Variants in DMXL2 observed in about 807,000 individuals in gnomAD.
DMXL2 encodes the protein dmX-like protein 2.
Under a neutral mutation model 331.1 loss-of-function variants are expected in DMXL2, and 103 were observed. That is an observed-to-expected ratio of 0.31 (90% confidence interval 0.27 to 0.37). The LOEUF is 0.37. Among genes scored for constraint, DMXL2 ranks in the 10% least tolerant of loss-of-function variants. DMXL2 has a pLI of 1.00. For synonymous variants in DMXL2, 1,281 were observed against 1,252.1 expected (o/e 1.02, Z -0.49); for missense variants, 3,171 against 3,642.9 (o/e 0.87, Z 3.33).
chr15:51,462,446 T>C (rs918536221), intron 33 of DMXL2, among the ~76,000 whole-genome samples: 1 of 152,078 alleles, frequency 6.6e-6, no homozygotes, highest in African/African-American at 2.4e-5. Context: ...AGCAATTCTC[T>C]TACCTCAACC....
intron 2 of DMXL2, among the ~76,000 whole-genome samples, chr15:51,569,657 G>A (rs896712964): frequency 6.6e-5 from 10 of 152,194 alleles, no homozygotes; most frequent in East Asian, 5.8e-4. Context: ...TTGTTGTTCC[G>A]CAGCCTCCGC....
At chr15:51,497,010 A>G (rs949068632) in intron 18 of DMXL2, among the ~76,000 whole-genome samples, 3 of 152,220 alleles carry the variant, frequency 2.0e-5, no homozygotes, top group Non-Finnish European at 4.4e-5. Flanking sequence ...GTTTTGTATT[A>G]GAAAGTATAA....
intron 6 of DMXL2, among the ~76,000 whole-genome samples, chr15:51,551,381 T>C (rs933230891): frequency 1.3e-5 from 2 of 151,986 alleles, no homozygotes; most frequent in East Asian, 1.9e-4. Context: ...ATCTAGAAAA[T>C]AAAATTTTTG....
chr15:51,549,712 G>A (rs368459096), intron 6 of DMXL2, among the ~76,000 whole-genome samples: 1 of 152,134 alleles, frequency 6.6e-6, no homozygotes, highest in East Asian at 1.9e-4. Flanking sequence ...GATCATTAGT[G>A]ACGTTGAGCA....
At chr15:51,523,209 A>G (rs923289244) in intron 13 of DMXL2, among the ~76,000 whole-genome samples, 18 of 152,266 alleles carry the variant, frequency 1.2e-4, no homozygotes, top group Admixed American at 3.3e-4. Flanking sequence ...TATTAAGAAA[A>G]TCAAAACGAT....
chr15:51,510,248 G>T (rs565603286), intron 15 of DMXL2, among the ~76,000 whole-genome samples: 2 of 152,184 alleles, frequency 1.3e-5, no homozygotes, highest in African/African-American at 4.8e-5. Context: ...ATTCAAATAG[G>T]AAGAGAGGAA....
At chr15:51,544,931 T>A (rs1030568648) in intron 8 of DMXL2, among the ~76,000 whole-genome samples, 3 of 152,054 alleles carry the variant, frequency 2.0e-5, no homozygotes, top group African/African-American at 7.2e-5. Context: ...ATAATAAATT[T>A]CTGACAATTC....
chr15:51,488,062 T>A lies in DMXL2; in HGVS notation c.5109A>T (p.Arg1703Ser). 2 of 1,613,400 alleles carry A rather than the reference T, an allele frequency of 1.2e-6. No individual in the cohort carries two copies. The highest frequency in any genetic ancestry group is 1.7e-6 in the Non-Finnish European group (2 of 1,179,780). ...CATTTTTCAAAGCAGCTTTTCGCCATCTATCTTCATTAAAGTTGTGGCTGA... is the reference window on the plus strand; with the variant it reads ...CATTTTTCAAAGCAGCTTTTCGCCAACTATCTTCATTAAAGTTGTGGCTGA... Reference protein sequence around the residue: ...TFFSHNFNEDRWRKAALKNAF... With the variant: ...TFFSHNFNEDSWRKAALKNAF... The change falls in exon 22 of 44, where the codon AGA becomes AGT. Residue 1703 changes from arginine (R) to serine (S), a missense_variant. Physicochemically the swap from Arg to Ser is moderately radical, Grantham distance 110. This residue lies in a region of DMXL2 where 252 missense variants were observed against 387.4 expected (regional missense o/e 0.65). Coordinates refer to ENST00000560891, the MANE Select transcript of DMXL2 (RefSeq NM_001378457.1).
At chr15:51,575,741 A>C (rs761760899) in intron 2 of DMXL2, among the ~76,000 whole-genome samples, 48 of 152,284 alleles carry the variant, frequency 3.2e-4, no homozygotes, top group Non-Finnish European at 6.6e-4. Context: ...TAGGTAGAGA[A>C]GAAAAAAGTT....
At chr15:51,461,243 C>G (rs2040084424) in intron 33 of DMXL2, among the ~76,000 whole-genome samples, 1 of 152,044 alleles carries the variant, frequency 6.6e-6, no homozygotes, top group Non-Finnish European at 1.5e-5. Context: ...AAATAGAACA[C>G]ACAGAGACTG....
chr15:51,607,128 A>C (rs1030390188), intron 1 of DMXL2, among the ~76,000 whole-genome samples: 3 of 151,270 alleles, frequency 2.0e-5, no homozygotes, highest in African/African-American at 7.3e-5. Context: ...ACTGCACTCC[A>C]GAGCCTGGGT....
chr15:51,560,428 A>T lies in DMXL2; in HGVS notation c.567+2953T>A, dbSNP rs965347637. On this transcript the variant is annotated intron_variant, in intron 6 of 43. Transcript: ENST00000560891. ...CCTTTCTGTTCATGTTTGAAGAAAA[A>T]TTTTTTTAATTTAGGGCATCATAAA... Among the ~76,000 whole-genome samples the T allele has an allele frequency of 6.7e-5, 10 of 149,438 alleles. No individual in the cohort carries two copies. In the East Asian group the frequency reaches 7.9e-4, roughly 12 times the overall value.
In DMXL2 at chr15:51,455,217, C is replaced by A; in HGVS notation, c.8538G>T (p.Ala2846=). The change falls in exon 40 of 44, where the codon GCG becomes GCT. Residue 2846 remains alanine, a synonymous_variant. Coordinates refer to ENST00000560891, the MANE Select transcript of DMXL2 (RefSeq NM_001378457.1). ...FNSQGNKCGV[A]DGEGFLSIWQ... is the part of the protein sequence containing the mutation. ...AGATACTCAGAAAACCCTCTCCATC[C>A]GCAACACCACACTGTAAGAACAGTA... 6.2e-7 allele frequency: 1 copy of A among 1,613,840 alleles called. No individual in the cohort carries two copies. The highest frequency in any genetic ancestry group is 2.2e-5 in the East Asian group (1 of 44,880).
intron 13 of DMXL2, among the ~76,000 whole-genome samples, chr15:51,524,618 G>A (rs1422652978): frequency 6.6e-6 from 1 of 152,182 alleles, no homozygotes; most frequent in East Asian, 1.9e-4. Context: ...GCAAGCAACT[G>A]TGAGCACTGA....
intron 16 of DMXL2, among the ~76,000 whole-genome samples, chr15:51,505,144 C>T (rs563129006): frequency 6.6e-6 from 1 of 152,200 alleles, no homozygotes; most frequent in Admixed American, 6.5e-5. Flanking sequence ...AATCATTTAT[C>T]CTCTAACAGG....
intron 1 of DMXL2, among the ~76,000 whole-genome samples, chr15:51,580,653 G>A (rs897180848): frequency 6.6e-6 from 1 of 152,172 alleles, no homozygotes; most frequent in Non-Finnish European, 1.5e-5. Flanking sequence ...AAGAGGAAGA[G>A]TCTTAGAAAA....
In DMXL2 at chr15:51,622,472, T is replaced by C. The variant is rs1595799003; in HGVS notation, c.74A>G (p.Asp25Gly). The stretch of plus-strand genomic sequence containing the variant: ...GCCGCCGCTCACCGTGAAGGGGACA[T>C]CCCCGACGCTGCCCACGGAGTAGCA... ...DNCYSVGSVG[D>G]VPFTAYGSGC... is the part of the protein sequence containing the mutation. The change falls in exon 1 of 44, where the codon GAT becomes GGT. Residue 25 changes from aspartate (D) to glycine (G), a missense_variant. Physicochemically the swap from Asp to Gly is moderately conservative, Grantham distance 94 (BLOSUM62 -1). Transcript: ENST00000560891. 6.4e-7 allele frequency: 1 copy of C among 1,565,452 alleles called. No homozygotes were observed. The highest frequency in any genetic ancestry group is 1.2e-5 in the South Asian group (1 of 85,170).
At position 51,576,057 on chromosome 15, in the gene DMXL2, C is replaced by G. The variant is rs374560525; in HGVS notation, c.212G>C (p.Arg71Thr). ...CAGTAAAGAAATTAAATCCCTTACT[C>G]TTCCTTGTTGGTTAGAACACTCCAC... is the stretch of plus-strand genomic sequence containing the variant. ...SCVECSNQQGRIAASYGNAVC... is the reference protein window; with the variant it reads ...SCVECSNQQGTIAASYGNAVC... Residue 71 changes from arginine to threonine, a missense_variant and splice_region_variant, in exon 2 of 44, where the codon AGA becomes ACA. Transcript: ENST00000560891. 30 of 1,602,894 alleles carry G rather than the reference C, an allele frequency of 1.9e-5. No homozygotes were observed. The highest frequency in any genetic ancestry group is 2.5e-5 in the Non-Finnish European group (30 of 1,176,914).
chr15:51,620,055 C>CTTTAT (rs140647377), intron 1 of DMXL2, among the ~76,000 whole-genome samples: 178 of 152,116 alleles, frequency 1.2e-3, no homozygotes, highest in African/African-American at 4.1e-3. Flanking sequence ...TATTATATTA[C>CTTTAT]TTTATTTTAT....
Sources: allele counts gnomAD v4.1 joint callset (sites outside exome capture counted in the v4.1 genomes callset), GRCh38; gene constraint gnomAD v4.1.1; regional missense constraint gnomAD v4.1.1; transcripts MANE v1.5; gene names NCBI Gene and HGNC (gene_info 2026-07-23, HGNC 2026-07-21).